AATF: variants seen among roughly 807,000 people sequenced by gnomAD.
AATF encodes the protein protein AATF.
A neutral mutation model predicts 63.7 loss-of-function variants in AATF; 48 were observed. The ratio of observed to expected loss-of-function variants is 0.75; its 90% confidence interval spans 0.60 to 0.96. The LOEUF (loss-of-function observed/expected upper bound fraction) is 0.96, where lower values mean the gene tolerates loss of function less well. AATF is among the 40% of genes least tolerant of loss of function. The probability of loss-of-function intolerance (pLI) is 0.00; values close to 1 mark genes in which losing one functional copy is unlikely to be tolerated. For synonymous variants in AATF, 258 were observed against 247.7 expected (o/e 1.04, Z -0.39); for missense variants, 639 against 685.7 (o/e 0.93, Z 0.76).
chr17:36,993,132 T>A (rs1427285517), intron 8 of AATF, among the ~76,000 whole-genome samples: 3 of 152,208 alleles, frequency 2.0e-5, no homozygotes, highest in Non-Finnish European at 4.4e-5. Context: ...TGTGCAGGTT[T>A]TAATCACTTA....
intron 4 of AATF, among the ~76,000 whole-genome samples, chr17:36,982,199 ACTCCATTGCTTT>A (rs1454413753): frequency 1.4e-4 from 20 of 142,124 alleles, no homozygotes; most frequent in Admixed American, 1.4e-3. Context: ...TCTGACTAAT[ACTCCATTGCTTT>A]TTCCTGTTTG....
At chr17:37,013,094 A>G (rs528822346) in intron 8 of AATF, among the ~76,000 whole-genome samples, 342 of 152,348 alleles carry the variant, frequency 2.2e-3, no homozygotes, top group African/African-American at 7.8e-3. Flanking sequence ...GGTATCCAGA[A>G]TATATAAAGA....
At chr17:37,040,918 G>C (rs1298895253) in intron 11 of AATF, among the ~76,000 whole-genome samples, 1 of 152,090 alleles carries the variant, frequency 6.6e-6, no homozygotes, top group Non-Finnish European at 1.5e-5. Context: ...TCCTGATCTG[G>C]TATATTTAGT....
intron 4 of AATF, among the ~76,000 whole-genome samples, chr17:36,977,494 T>A (rs1004932210): frequency 2.0e-5 from 3 of 152,078 alleles, no homozygotes; most frequent in Middle Eastern, 3.4e-3. Context: ...TTTAAAGACG[T>A]TATAATATGA....
intron 11 of AATF, among the ~76,000 whole-genome samples, chr17:37,038,314 T>C (rs1201330530): frequency 2.0e-5 from 3 of 152,154 alleles, no homozygotes; most frequent in African/African-American, 7.2e-5. Context: ...TGTAAGTCAG[T>C]AAAATGCTAG....
chr17:36,990,779 C>G lies in AATF; in HGVS notation c.1320C>G (p.Ile440Met), dbSNP rs763889388. Residue 440 changes from isoleucine to methionine, a missense_variant, in exon 8 of 12, where the codon ATC (isoleucine) becomes ATG (methionine). Ile to Met is a conservative substitution (Grantham distance 10, BLOSUM62 1). Transcript: ENST00000619387. ...CTTACTCATTGTTAACATAGGAGATCCTTCCTCAAGCCCCTGCTAATGCTC... is the reference window on the plus strand; with the variant it reads ...CTTACTCATTGTTAACATAGGAGATGCTTCCTCAAGCCCCTGCTAATGCTC... ...VPESLPGEPE[I>M]LPQAPANAHL... 1 of 1,589,314 alleles carries G rather than the reference C, an allele frequency of 6.3e-7. No homozygotes were observed. The highest frequency in any genetic ancestry group is 8.5e-7 in the Non-Finnish European group (1 of 1,170,524).
intron 4 of AATF, among the ~76,000 whole-genome samples, chr17:36,963,063 G>A (rs2070961299): frequency 6.6e-6 from 1 of 152,148 alleles, no homozygotes; most frequent in East Asian, 1.9e-4. Context: ...AGATTGCAGT[G>A]AGCCAAGATC....
Position 37,056,640 on chromosome 17 carries a change from T to G in AATF, c.1659T>G (p.Pro553=), listed in dbSNP as rs2071800740. 5.6e-6 allele frequency: 9 copies of G among 1,614,224 alleles called. No individual in the cohort carries two copies. Among genetic ancestry groups the G allele is most frequent in the Non-Finnish European group, 7.6e-6 (9 of 1,180,046 alleles). ...GCTCTCTTTTTGGCCAGCTCCACCC[T>G]CCCGACGAAGGCCACGGGGATTGAC... ...LYRSLFGQLH[P]PDEGHGD The change falls in exon 12 of 12, where the codon CCT becomes CCG. Residue 553 remains proline, a synonymous_variant. Coordinates refer to ENST00000619387, the MANE Select transcript of AATF (RefSeq NM_012138.4).
chr17:36,950,427 G>C, intron 2 of AATF, 22 bp downstream of exon 2: 1 of 1,604,360 alleles, frequency 6.2e-7, no homozygotes, highest in Non-Finnish European at 8.5e-7. Context: ...TTTTTGAATG[G>C]AACTCTTCTC....
chr17:36,951,143 T>C (rs988992674), intron 2 of AATF, among the ~76,000 whole-genome samples: 1 of 152,204 alleles, frequency 6.6e-6, no homozygotes, highest in Non-Finnish European at 1.5e-5. Flanking sequence ...GGGCTAGATA[T>C]GGTGATTATT....
At chr17:37,016,394 A>G (rs2071428839) in intron 8 of AATF, among the ~76,000 whole-genome samples, 1 of 152,184 alleles carries the variant, frequency 6.6e-6, no homozygotes. Flanking sequence ...GGTATGGGTT[A>G]AATAGGTTTC....
At chr17:37,054,060 G>C (rs902080261) in intron 11 of AATF, among the ~76,000 whole-genome samples, 2 of 152,124 alleles carry the variant, frequency 1.3e-5, no homozygotes, top group African/African-American at 4.8e-5. Context: ...AGTAAAGAGG[G>C]AGGAAGGGCT....
intron 10 of AATF, among the ~76,000 whole-genome samples, chr17:37,027,215 A>G (rs1436733882): frequency 6.6e-6 from 1 of 152,206 alleles, no homozygotes; most frequent in Non-Finnish European, 1.5e-5. Flanking sequence ...ATTACATATA[A>G]GTGGATTTAG....
At chr17:37,011,437 C>T (rs967530524) in intron 8 of AATF, among the ~76,000 whole-genome samples, 1 of 151,856 alleles carries the variant, frequency 6.6e-6, no homozygotes, top group African/African-American at 2.4e-5. Flanking sequence ...GTGGAGGCAG[C>T]GGAGATGGAG....
At chr17:37,013,751 G>C (rs1245003874) in intron 8 of AATF, among the ~76,000 whole-genome samples, 1 of 152,060 alleles carries the variant, frequency 6.6e-6, no homozygotes, top group Non-Finnish European at 1.5e-5. Flanking sequence ...AGGAACAAGC[G>C]CTATATTATG....
Position 36,952,937 on chromosome 17 carries a change from T to C in AATF, c.335T>C (p.Leu112Pro). Reference protein sequence around the residue: ...EGSGDEDSEGLGLEEYDEDDL... With the variant: ...EGSGDEDSEGPGLEEYDEDDL... ...TCTGGAGATGAAGATTCAGAGGGAC[T>C]GGGTCTGGAGGAATATGATGAGGAC... Residue 112 changes from leucine (L) to proline (P), a missense_variant, in exon 3 of 12, where the codon CTG becomes CCG. Coordinates refer to ENST00000619387, the MANE Select transcript of AATF (RefSeq NM_012138.4). 6.2e-7 allele frequency: 1 copy of C among 1,614,132 alleles called. No homozygotes were observed. Among genetic ancestry groups the C allele is most frequent in the Non-Finnish European group, 8.5e-7 (1 of 1,180,024 alleles).
At chr17:36,978,900 A>G (rs1045554481) in intron 4 of AATF, among the ~76,000 whole-genome samples, 2 of 151,880 alleles carry the variant, frequency 1.3e-5, no homozygotes, top group African/African-American at 2.4e-5. Context: ...TCTTTGTTGA[A>G]GAAGTTAGGG....
intron 11 of AATF, among the ~76,000 whole-genome samples, chr17:37,045,205 AC>A (rs1325067237): frequency 1.3e-5 from 2 of 152,192 alleles, no homozygotes; most frequent in Non-Finnish European, 2.9e-5. Flanking sequence ...CCATAACCAC[AC>A]CCTATGCTTT....
intron 8 of AATF, among the ~76,000 whole-genome samples, chr17:37,008,103 T>A (rs2071355915): frequency 6.6e-6 from 1 of 152,252 alleles, no homozygotes; most frequent in African/African-American, 2.4e-5. Flanking sequence ...ATTGAATTAC[T>A]GTACTTGTTG....
Sources: gnomAD v4.1 joint callset for allele counts (sites outside exome capture counted in the v4.1 genomes callset) on GRCh38, gnomAD v4.1.1 for gene constraint, MANE v1.5 for transcripts, NCBI Gene and HGNC (gene_info 2026-07-23, HGNC 2026-07-21) for gene names.